Variants in VPS13C observed in about 807,000 individuals in gnomAD.
VPS13C encodes vacuolar protein sorting 13 homolog C.
Under a neutral mutation model 456.8 loss-of-function variants are expected in VPS13C, and 358 were observed. The ratio of observed to expected loss-of-function variants is 0.78; its 90% CI spans 0.72 to 0.86. The LOEUF is 0.86. Ranked by LOEUF, VPS13C falls within the 40% of genes least tolerant of loss-of-function variation. VPS13C has a pLI of 0.00. For synonymous variants in VPS13C, 1,578 were observed against 1,486.7 expected, an observed-to-expected ratio of 1.06 and a Z score of -1.41; for missense variants, 4,818 against 4,385.4, an observed-to-expected ratio of 1.10 and a Z score of -2.79.
chr15:61,854,496 C>G lies in VPS13C; in HGVS notation c.11223G>C (p.Gln3741His), dbSNP rs767154744. Reference protein sequence around the residue: ...STRQQQKLMKQSSVRLLRPQL... With the variant: ...STRQQQKLMKHSSVRLLRPQL... ...GGGGTCTGAGAAGTCTCACTGATGA[C>G]TGCTTCATCAATTTTTGCTGCTGTC... Residue 3741 changes from glutamine (Q) to histidine (H), a missense_variant, in exon 85 of 85, where the codon CAG becomes CAC. Gln to His is a conservative substitution (Grantham distance 24). Coordinates refer to ENST00000644861, the MANE Select transcript of VPS13C (RefSeq NM_020821.3). 5 of 1,614,154 alleles carry G rather than the reference C, an allele frequency of 3.1e-6. No homozygotes were observed. The highest frequency in any genetic ancestry group is 3.4e-6 in the Non-Finnish European group (4 of 1,180,000).
chr15:61,915,636 A>G lies in VPS13C; in HGVS notation c.8442T>C (p.Asn2814=), dbSNP rs34435223. ...TATTATGTGAACAAAACCACACCTT[A>G]TTTTTAGTAAAAATGTTCTTCTTCT... ...SFKKKNIFTK[N]KVQLKISTSA... is the part of the protein sequence containing the mutation. The change falls in exon 61 of 85, where the codon AAT becomes AAC. Residue 2814 remains asparagine, a synonymous_variant. Coordinates refer to ENST00000644861, the MANE Select transcript of VPS13C (RefSeq NM_020821.3). 9.2e-4 allele frequency: 1,465 copies of G among 1,585,578 alleles called. 17 individuals are homozygous for G. In the African/African-American group the frequency reaches 0.019, roughly 20 times the overall value.
chr15:62,031,201 C>G (rs2140636366), intron 5 of VPS13C, among the ~76,000 whole-genome samples: 1 of 152,090 alleles, frequency 6.6e-6, no homozygotes, highest in Non-Finnish European at 1.5e-5. Flanking sequence ...ATAAAACAAG[C>G]TAAGTCAAAA....
rs1350983115 is a variant in VPS13C, at chr15:61,907,367, A to G, written c.9002T>C (p.Leu3001Ser). 6.2e-7 allele frequency: 1 copy of G among 1,613,994 alleles called. No homozygotes were observed. The highest frequency in any genetic ancestry group is 8.5e-7 in the Non-Finnish European group (1 of 1,179,866). The stretch of plus-strand genomic sequence containing the variant: ...AAAAAGTCGAGCCTGTCTTGGCAGC[A>G]AGACCATTTCTTCTGGTGACCCACT... Reference protein sequence around the residue: ...KQSGSPEEMVLLPRQARLFAW... With the variant: ...KQSGSPEEMVSLPRQARLFAW... Residue 3001 changes from leucine to serine, a missense_variant, in exon 66 of 85, where the codon TTG (leucine) becomes TCG (serine). By Grantham distance (145) the Leu-to-Ser change is moderately radical (BLOSUM62 -2). Coordinates refer to ENST00000644861, the MANE Select transcript of VPS13C (RefSeq NM_020821.3).
At chr15:61,929,407 T>C in intron 51 of VPS13C, 94 bp downstream of exon 51, 1 of 1,469,474 alleles carries the variant, frequency 6.8e-7, no homozygotes, top group East Asian at 2.3e-5. Context: ...AAGACTAATT[T>C]TACGTTCTTA....
At chr15:61,917,217 A>G (rs1182739043) in intron 60 of VPS13C, 124 bp downstream of exon 60, 1 of 1,005,196 alleles carries the variant, frequency 9.9e-7, no homozygotes, top group Non-Finnish European at 1.4e-6. Flanking sequence ...CATTAACATT[A>G]TGAAGGCATT....
rs557275316 is a variant in VPS13C at position 61,912,763 on chromosome 15, G to C, written c.8550+548C>G. 6.0e-5 allele frequency among the ~76,000 whole-genome samples: 9 copies of C among 150,190 alleles called. No individual in the cohort carries two copies. The South Asian group carries it at 1.9e-3, about 32-fold the overall frequency. On this transcript the variant is annotated intron_variant, in intron 62 of 84. Transcript: ENST00000644861. ...CCCATTAACTGGTCACTTAGCATTA[G>C]GTATATCTCCTAATGCTATCCCTCC... is the stretch of plus-strand genomic sequence containing the variant.
intron 82 of VPS13C, among the ~76,000 whole-genome samples, chr15:61,857,287 T>C (rs140658223): frequency 6.6e-6 from 1 of 152,178 alleles, no homozygotes; most frequent in East Asian, 1.9e-4. Flanking sequence ...GTGTGCAGAT[T>C]AGTCTTTTGG....
chr15:61,991,502 A>G (rs1306570113), intron 17 of VPS13C, among the ~76,000 whole-genome samples, 171 bp downstream of exon 17: 1 of 152,186 alleles, frequency 6.6e-6, no homozygotes, highest in South Asian at 2.1e-4. Context: ...TCTAAGTTTT[A>G]TTTTAGATAA....
intron 74 of VPS13C, among the ~76,000 whole-genome samples, chr15:61,877,406 TG>T: frequency 2.0e-5 from 3 of 151,826 alleles, no homozygotes; most frequent in South Asian, 2.1e-4. Flanking sequence ...CTCAACACTG[TG>T]GAAAAGTATT....
chr15:62,010,783 T>G (rs2047012139), intron 12 of VPS13C, among the ~76,000 whole-genome samples, 184 bp from the exon 13 acceptor site: 1 of 152,142 alleles, frequency 6.6e-6, no homozygotes, highest in Non-Finnish European at 1.5e-5. Context: ...AATAATAAGC[T>G]CGATGGTTAA....
intron 19 of VPS13C, 151 bp from the exon 20 acceptor site, chr15:61,984,163 C>T: frequency 1.5e-6 from 1 of 649,574 alleles, no homozygotes; most frequent in Non-Finnish European, 2.6e-6. Context: ...CTTAGCCAGG[C>T]ATTCAATTGC....
chr15:61,970,538 G>A (rs911719656), intron 27 of VPS13C, among the ~76,000 whole-genome samples: 9 of 152,178 alleles, frequency 5.9e-5, no homozygotes, highest in South Asian at 4.1e-4. Flanking sequence ...GCTCATGCCT[G>A]TAATCCCAGC....
intron 1 of VPS13C, among the ~76,000 whole-genome samples, chr15:62,050,893 G>C (rs1487969133): frequency 6.6e-6 from 1 of 150,512 alleles, no homozygotes; most frequent in African/African-American, 2.4e-5. Context: ...GATGAAAATG[G>C]AAGTAAATTA....
At chr15:61,948,366 T>C (rs2044675011) in intron 42 of VPS13C, among the ~76,000 whole-genome samples, 2 of 152,076 alleles carry the variant, frequency 1.3e-5, no homozygotes, top group African/African-American at 4.8e-5. Flanking sequence ...AAGGAAATTG[T>C]TGCTCTGTTC....
In VPS13C at chr15:61,983,859, C is replaced by T; in HGVS notation, c.1875G>A (p.Leu625=). Reference sequence around the variant, plus strand: ...CCTCCACAGGCTGGGACTGAACAATCAGAGTCTGGTCAGCAGGACTATCCT... The same window carrying T: ...CCTCCACAGGCTGGGACTGAACAATTAGAGTCTGGTCAGCAGGACTATCCT... The part of the protein sequence containing the change: ...NPEDSPADQT[L]IVQSQPVEVI... The change falls in exon 20 of 85, where the codon CTG becomes CTA. Residue 625 remains leucine (L), a synonymous_variant. Transcript: ENST00000644861. 3 of 1,614,110 alleles carry T rather than the reference C, an allele frequency of 1.9e-6. No individual in the cohort carries two copies. Among genetic ancestry groups the T allele is most frequent in the Non-Finnish European group, 1.7e-6 (2 of 1,179,990 alleles).
Position 61,878,689 on chromosome 15 carries a change from C to T in VPS13C, c.10060G>A (p.Glu3354Lys), listed in dbSNP as rs199723460. ...TTGACAGAATGAACTGCAAACATTTCCTGTTTTTCTTTGTCTGATTCTTCA... is the reference window on the plus strand; with the variant it reads ...TTGACAGAATGAACTGCAAACATTTTCTGTTTTTCTTTGTCTGATTCTTCA... ...GGEESDKEKQ[E>K]MFAVHSVNLL... Residue 3354 changes from glutamate (E) to lysine (K), a missense_variant, in exon 74 of 85, where the codon GAA (glutamate) becomes AAA (lysine). Physicochemically the swap from Glu to Lys is moderately conservative, Grantham distance 56. Coordinates refer to ENST00000644861, the MANE Select transcript of VPS13C (RefSeq NM_020821.3). 1.2e-6 allele frequency: 2 copies of T among 1,611,370 alleles called. No homozygotes were observed. Among genetic ancestry groups the T allele is most frequent in the Non-Finnish European group, 8.5e-7 (1 of 1,178,742 alleles).
chr15:61,890,408 G>C lies in VPS13C; in HGVS notation c.9106-8C>G, dbSNP rs1424855242. On this transcript the variant is annotated splice_region_variant and splice_polypyrimidine_tract_variant and intron_variant, in intron 66 of 84. Transcript: ENST00000644861. Reference sequence around the variant, plus strand: ...AAACTGTCCACATCCATCCTGGGAAGAAGAAAGACTTCATTAAACCCACAC... The same window carrying C: ...AAACTGTCCACATCCATCCTGGGAACAAGAAAGACTTCATTAAACCCACAC... The C allele has an allele frequency of 6.2e-7, 1 of 1,610,362 alleles. No individual in the cohort carries two copies. Among genetic ancestry groups the C allele is most frequent in the Non-Finnish European group, 8.5e-7 (1 of 1,177,042 alleles).
At chr15:62,018,295 C>G (rs1276175819) in intron 9 of VPS13C, among the ~76,000 whole-genome samples, 1 of 151,850 alleles carries the variant, frequency 6.6e-6, no homozygotes, top group African/African-American at 2.4e-5. Flanking sequence ...TCCTGCTTGA[C>G]TGCCCTGGCC....
At chr15:62,027,998 A>G (rs1429616805) in intron 6 of VPS13C, among the ~76,000 whole-genome samples, 1 of 152,066 alleles carries the variant, frequency 6.6e-6, no homozygotes, top group Admixed American at 6.6e-5. Context: ...GCTATCAGAG[A>G]GGAACTGCTT....
Sources: allele counts gnomAD v4.1 joint callset (sites outside exome capture counted in the v4.1 genomes callset), GRCh38; gene constraint gnomAD v4.1.1; transcripts MANE v1.5; gene names NCBI Gene and HGNC (gene_info 2026-07-23, HGNC 2026-07-21).